Variants in LMBRD2 observed in about 807,000 individuals in gnomAD.
LMBRD2 encodes LMBR1 domain containing 2.
A neutral mutation model predicts 94.4 loss-of-function variants in LMBRD2; 55 were observed. The ratio of observed to expected loss-of-function variants is 0.58; its 90% confidence interval spans 0.47 to 0.73. The LOEUF (loss-of-function observed/expected upper bound fraction) is 0.73, where lower values mean the gene tolerates loss of function less well. Ranked by LOEUF, LMBRD2 falls within the 30% of genes least tolerant of loss-of-function variation. LMBRD2 has a pLI of 0.00. For synonymous variants in LMBRD2, 246 were observed against 272.4 expected (o/e 0.90, Z 0.95); for missense variants, 640 against 831.9 (o/e 0.77, Z 2.84).
At chr5:36,149,766 C>T (rs1488172754) in intron 1 of LMBRD2, among the ~76,000 whole-genome samples, 5 of 152,124 alleles carry the variant, frequency 3.3e-5, no homozygotes, top group South Asian at 4.1e-4. Context: ...ATTAGCCAGG[C>T]GTGGTGGCGC....
chr5:36,136,596 A>G (rs1744277663), intron 5 of LMBRD2, 77 bp from the exon 6 acceptor site: 1 of 1,184,878 alleles, frequency 8.4e-7, no homozygotes, highest in Non-Finnish European at 1.2e-6. Context: ...AGACTTTAAC[A>G]CAGGAGACAC....
rs1205860099 is a variant in LMBRD2, at chr5:36,098,951, A to C, written c.*5095T>G. 1 of 152,148 alleles carries C rather than the reference A, an allele frequency of 6.6e-6. No individual in the cohort carries two copies. Among genetic ancestry groups the C allele is most frequent in the Non-Finnish European group, 1.5e-5 (1 of 67,986 alleles). The allele number at this position is 152,148 out of a possible 1,614,324, so 9.4% of individuals were successfully genotyped here. ...AAAATGACCACAGTAACATTTTGAA[A>C]AATTATGATCATATGCACATTTGAA... On this transcript the variant is annotated 3_prime_UTR_variant, in exon 18 of 18. Transcript: ENST00000296603.
chr5:36,132,507 A>G (rs1744177569), intron 6 of LMBRD2, among the ~76,000 whole-genome samples: 1 of 152,032 alleles, frequency 6.6e-6, no homozygotes. Context: ...GAAACTATCA[A>G]CAAAATGAAG....
At chr5:36,150,671 T>C (rs556220432) in intron 1 of LMBRD2, among the ~76,000 whole-genome samples, 2 of 152,348 alleles carry the variant, frequency 1.3e-5, no homozygotes, top group Non-Finnish European at 2.9e-5. Context: ...TAACATTAGT[T>C]TGATGAACGG....
At chr5:36,133,465 T>C (rs1744200553) in intron 6 of LMBRD2, among the ~76,000 whole-genome samples, 1 of 152,130 alleles carries the variant, frequency 6.6e-6, no homozygotes, top group Non-Finnish European at 1.5e-5. Context: ...ATAATGTAAT[T>C]GTACATTTTA....
intron 6 of LMBRD2, among the ~76,000 whole-genome samples, chr5:36,130,167 G>T (rs932364280): frequency 6.6e-6 from 1 of 151,932 alleles, no homozygotes; most frequent in Non-Finnish European, 1.5e-5. Flanking sequence ...GCACATGTAC[G>T]CTAAAACTTA....
chr5:36,150,629 T>A (rs1744673192), intron 1 of LMBRD2, among the ~76,000 whole-genome samples: 2 of 152,240 alleles, frequency 1.3e-5, no homozygotes, highest in African/African-American at 4.8e-5. Flanking sequence ...CTGTAAAACA[T>A]CAGGATATTG....
chr5:36,103,066 T>C lies in LMBRD2; in HGVS notation c.*980A>G, dbSNP rs1253047277. 1.3e-5 allele frequency: 2 copies of C among 152,176 alleles called. No homozygotes were observed. The highest frequency in any genetic ancestry group is 1.3e-4 in the Admixed American group (2 of 15,214). 9.4% of individuals were successfully genotyped at this position (152,176 alleles called of 1,614,324 possible). On this transcript the variant is annotated 3_prime_UTR_variant, in exon 18 of 18. Coordinates refer to ENST00000296603, the MANE Select transcript of LMBRD2 (RefSeq NM_001007527.2). ...ATTACACATTTCCATTCTAATATAG[T>C]TTTGTTTTCTATAAACCACGATTTA...
At chr5:36,116,416 T>C in intron 11 of LMBRD2, 44 bp downstream of exon 11, 2 of 1,569,210 alleles carry the variant, frequency 1.3e-6, no homozygotes, top group Non-Finnish European at 8.7e-7. Context: ...AAGAATACAC[T>C]CAATGATGAC....
rs1225614690 is a variant in LMBRD2, at chr5:36,105,134, T to A, written c.1961A>T (p.Asp654Val). The A allele has an allele frequency of 2.5e-6, 4 of 1,612,572 alleles. No homozygotes were observed. Among genetic ancestry groups the A allele is most frequent in the Non-Finnish European group, 3.4e-6 (4 of 1,178,970 alleles). ...TGCATTAAAATCCAAAGGTTCTGCA[T>A]CTTGGAGAAGTTCTATCCGGTCCCT... ...TERDRIELLQ[D>V]AEPLDFNAET... is the part of the protein sequence containing the mutation. The change falls in exon 17 of 18, where the codon GAT becomes GTT. Residue 654 changes from aspartate (D) to valine (V), a missense_variant. Physicochemically the swap from Asp to Val is radical, Grantham distance 152. This residue lies in a region of LMBRD2 where 183 missense variants were observed against 189.1 expected (regional missense o/e 0.97). Transcript: ENST00000296603.
Position 36,101,340 on chromosome 5 carries a change from G to A in LMBRD2, c.*2706C>T, listed in dbSNP as rs1242643161. On this transcript the variant is annotated 3_prime_UTR_variant, in exon 18 of 18. Coordinates refer to ENST00000296603, the MANE Select transcript of LMBRD2 (RefSeq NM_001007527.2). Reference sequence around the variant, plus strand: ...CTACAATAGTTATTCTGAATTACTGGCTTACTGAATATTCTTACCTAACAA... The same window carrying A: ...CTACAATAGTTATTCTGAATTACTGACTTACTGAATATTCTTACCTAACAA... 6.6e-6 allele frequency: 1 copy of A among 151,600 alleles called. No individual in the cohort carries two copies. Among genetic ancestry groups the A allele is most frequent in the Non-Finnish European group, 1.5e-5 (1 of 67,766 alleles). 9.4% of individuals were successfully genotyped at this position (151,600 alleles called of 1,614,324 possible).
intron 6 of LMBRD2, among the ~76,000 whole-genome samples, chr5:36,133,356 G>T (rs1424354256): frequency 7.3e-5 from 11 of 149,702 alleles, no homozygotes; most frequent in South Asian, 4.4e-4. Flanking sequence ...GGGGTTATGG[G>T]TAGAGGGGAG....
chr5:36,116,421 G>T lies in LMBRD2; in HGVS notation c.1436+39C>A, dbSNP rs200573743. 5.1e-6 allele frequency: 8 copies of T among 1,582,526 alleles called. No individual in the cohort carries two copies. In the Admixed American group the frequency reaches 5.1e-5, roughly 10 times the overall value. On this transcript the variant is annotated intron_variant, in intron 11 of 17. Coordinates refer to ENST00000296603, the MANE Select transcript of LMBRD2 (RefSeq NM_001007527.2). The stretch of plus-strand genomic sequence containing the variant: ...AAAGATCCATAAGAATACACTCAAT[G>T]ATGACATTTCTCTTGTTTCTAAACA...
Position 36,114,424 on chromosome 5 carries a change from C to A in LMBRD2, c.1640G>T (p.Ser547Ile). The change falls in exon 13 of 18, where the codon AGT becomes ATT. Residue 547 changes from serine (S) to isoleucine (I), a missense_variant and splice_region_variant. Physicochemically the swap from Ser to Ile is moderately radical, Grantham distance 142 (BLOSUM62 -2). Coordinates refer to ENST00000296603, the MANE Select transcript of LMBRD2 (RefSeq NM_001007527.2). The part of the protein sequence containing the change: ...VVILCIATYF[S>I]LGTRCLNLLG... Reference sequence around the variant, plus strand: ...GAAAAAACAATGTTAAGTTTCTTACCTAAAATAAGTAGCAATGCAGAGAAT... The same window carrying A: ...GAAAAAACAATGTTAAGTTTCTTACATAAAATAAGTAGCAATGCAGAGAAT... 1.3e-6 allele frequency: 2 copies of A among 1,553,550 alleles called. No homozygotes were observed. Among genetic ancestry groups the A allele is most frequent in the South Asian group, 1.3e-5 (1 of 79,886 alleles).
In LMBRD2 at chr5:36,126,452, T is replaced by C. The variant is rs182666082; in HGVS notation, c.748-2187A>G. On this transcript the variant is annotated intron_variant, in intron 6 of 17. Transcript: ENST00000296603. ...TGTTTGCCTTCTTCATACAAAATAA[T>C]GTAACTTTGAGCTCTTTCATTACTG... is the stretch of plus-strand genomic sequence containing the variant. Among the ~76,000 whole-genome samples the C allele has an allele frequency of 7.2e-5, 11 of 152,330 alleles. No individual in the cohort carries two copies. In the East Asian group the frequency reaches 2.1e-3, roughly 29 times the overall value.
At chr5:36,104,257 T>C in intron 17 of LMBRD2, 151 bp from the exon 18 acceptor site, 1 of 629,124 alleles carries the variant, frequency 1.6e-6, no homozygotes. Context: ...ACCCTCCAAG[T>C]ATATTATCCA....
intron 6 of LMBRD2, among the ~76,000 whole-genome samples, chr5:36,135,586 C>T (rs1744251993): frequency 6.6e-6 from 1 of 152,110 alleles, no homozygotes; most frequent in African/African-American, 2.4e-5. Context: ...TTTATTCTAA[C>T]ATGAATGAAA....
chr5:36,142,861 A>G, intron 2 of LMBRD2: 1 of 378,206 alleles, frequency 2.6e-6, no homozygotes, highest in Non-Finnish European at 4.8e-6. Context: ...AGTAGCTGGG[A>G]CTACAGGCGT....
chr5:36,118,179 G>A (rs902532653), intron 9 of LMBRD2, among the ~76,000 whole-genome samples: 8 of 152,084 alleles, frequency 5.3e-5, no homozygotes, highest in South Asian at 2.1e-4. Context: ...CAGAACTTGC[G>A]TCTAATTTTA....
Sources: gnomAD v4.1 joint callset for allele counts (sites outside exome capture counted in the v4.1 genomes callset) on GRCh38, gnomAD v4.1.1 for gene constraint, gnomAD v4.1.1 regional missense constraint, MANE v1.5 for transcripts, NCBI Gene and HGNC (gene_info 2026-07-23, HGNC 2026-07-21) for gene names.